CLDN14: variants seen among roughly 807,000 people sequenced by gnomAD.
CLDN14 encodes claudin 14.
A neutral mutation model predicts 2.1 loss-of-function variants in CLDN14; 2 were observed. The observed-to-expected ratio is 0.96, with a 90% confidence interval of 0.39 to 3.01. The LOEUF is 3.01. Ranked by LOEUF, CLDN14 falls within the 30% of genes most tolerant of loss-of-function variation. CLDN14 has a pLI of 0.09. For synonymous variants in CLDN14, 136 were observed against 154.4 expected (o/e 0.88, Z 0.88); for missense variants, 298 against 328.0 (o/e 0.91, Z 0.71).
upstream of CLDN14, among the ~76,000 whole-genome samples, chr21:36,481,877 G>T (rs1278125272): frequency 1.3e-5 from 2 of 152,186 alleles, no homozygotes; most frequent in Non-Finnish European, 2.9e-5. Flanking sequence ...CAGCACGTAT[G>T]AGTAGCAGGG....
intron 1 of CLDN14, among the ~76,000 whole-genome samples, chr21:36,562,451 C>T (rs976791061): frequency 6.6e-6 from 1 of 152,094 alleles, no homozygotes; most frequent in Non-Finnish European, 1.5e-5. Context: ...AAGCTTATTC[C>T]CATTTTCTGG....
rs985015692 is a variant in CLDN14, at chr21:36,498,293, G to A, written c.-82+12070C>T. Among the ~76,000 whole-genome samples, 2 of 152,122 alleles carry A rather than the reference G, an allele frequency of 1.3e-5. No homozygotes were observed. The highest frequency in any genetic ancestry group is 6.6e-5 in the Admixed American group (1 of 15,256). ...TGGGATTATAGACATGAGCCACTGC[G>A]CCCAGACAGGAAGATGCGTTTGTGA... is the stretch of plus-strand genomic sequence containing the variant. On this transcript the variant is annotated intron_variant, in intron 2 of 2. Coordinates refer to the CLDN14 transcript ENST00000342108. The surrounding 1 kb of genome is among the most constrained non-coding windows in gnomAD (Gnocchi z 4.9).
At chr21:36,524,446 G>T (rs533516859) in intron 1 of CLDN14, among the ~76,000 whole-genome samples, 28 of 152,336 alleles carry the variant, frequency 1.8e-4, no homozygotes, top group African/African-American at 6.5e-4. Context: ...ACCTGCACAA[G>T]GGAATGGGGA....
chr21:36,576,241 C>A (rs930913767), intron 1 of CLDN14, among the ~76,000 whole-genome samples: 1 of 152,194 alleles, frequency 6.6e-6, no homozygotes, highest in Non-Finnish European at 1.5e-5. Flanking sequence ...ATAGAAGTTT[C>A]TCTCTCTTTC....
intron 1 of CLDN14, among the ~76,000 whole-genome samples, chr21:36,476,812 T>G (rs2086785780): frequency 6.6e-6 from 1 of 152,194 alleles, no homozygotes; most frequent in Admixed American, 6.5e-5. Context: ...ACACTCACAG[T>G]GGTGAGAATG....
intron 1 of CLDN14, among the ~76,000 whole-genome samples, chr21:36,568,405 A>C (rs1413372102): frequency 1.3e-5 from 2 of 152,244 alleles, no homozygotes; most frequent in Non-Finnish European, 2.9e-5. Context: ...ACGAAGTCCC[A>C]GCTAGGAAAA....
intron 1 of CLDN14, among the ~76,000 whole-genome samples, chr21:36,473,583 C>T (rs1328098150): frequency 6.6e-6 from 1 of 152,190 alleles, no homozygotes; most frequent in Admixed American, 6.5e-5. Context: ...CTGTGCCTAC[C>T]CACCTGGGGA....
At chr21:36,526,671 A>G (rs1297802670) in intron 1 of CLDN14, 3 of 152,340 alleles carry the variant, frequency 2.0e-5, no homozygotes, top group Non-Finnish European at 2.9e-5. Flanking sequence ...TGTTCATTCA[A>G]ATAAACTTTA....
rs186432838 is a variant in CLDN14, at chr21:36,555,665, C to A, written c.-220+20746G>T. On this transcript the variant is annotated intron_variant, in intron 1 of 2. Transcript: ENST00000342108. ...ACGTTTTCTCGTTCCTAAGGCTGGT[C>A]AGGTGGTATGTGGGACATTGCCCAA... Among the ~76,000 whole-genome samples the A allele has an allele frequency of 2.6e-5, 4 of 152,218 alleles. No individual in the cohort carries two copies. The East Asian group carries it at 7.7e-4, about 29-fold the overall frequency.
intron 1 of CLDN14, among the ~76,000 whole-genome samples, chr21:36,539,894 A>G (rs13049189): frequency 0.49 from 72,776 of 148,600 alleles, 19,601 homozygotes; most frequent in Middle Eastern, 0.64. Context: ...GCGTCTGTGC[A>G]GAGGGAGTGT....
chr21:36,539,173 C>A (rs2087457954), intron 1 of CLDN14, among the ~76,000 whole-genome samples: 1 of 152,240 alleles, frequency 6.6e-6, no homozygotes, highest in African/African-American at 2.4e-5. Flanking sequence ...GGAGAAACTT[C>A]TCTGTGCCAG....
upstream of CLDN14, among the ~76,000 whole-genome samples, chr21:36,484,028 TGAG>T (rs1261988969): frequency 2.6e-5 from 4 of 152,086 alleles, no homozygotes. Flanking sequence ...CGCCCTTCAC[TGAG>T]GAGGATGCAG....
chr21:36,540,205 G>A (rs1445897307), intron 1 of CLDN14, among the ~76,000 whole-genome samples: 1 of 151,976 alleles, frequency 6.6e-6, no homozygotes, highest in Non-Finnish European at 1.5e-5. Flanking sequence ...CAAAATCCTT[G>A]GCTGTTCAAG....
intron 2 of CLDN14, among the ~76,000 whole-genome samples, chr21:36,497,962 G>A (rs1447309237): frequency 6.6e-6 from 1 of 151,942 alleles, no homozygotes; most frequent in Non-Finnish European, 1.5e-5. Context: ...GGCCACTGGT[G>A]GTACAGCACA....
intron 1 of CLDN14, among the ~76,000 whole-genome samples, chr21:36,557,313 G>A (rs2087605782): frequency 7.7e-6 from 1 of 130,424 alleles, no homozygotes; most frequent in African/African-American, 2.5e-5. Context: ...ATATTCACAT[G>A]TGGGATTGCT....
intron 1 of CLDN14, among the ~76,000 whole-genome samples, chr21:36,516,918 G>A (rs1381105465): frequency 6.6e-6 from 1 of 152,170 alleles, no homozygotes; most frequent in Non-Finnish European, 1.5e-5. Flanking sequence ...TCAGCTCACC[G>A]CAACCTCCGC....
chr21:36,533,892 C>T (rs2087402632), intron 1 of CLDN14, among the ~76,000 whole-genome samples: 1 of 152,148 alleles, frequency 6.6e-6, no homozygotes, highest in African/African-American at 2.4e-5. Context: ...CTAATGTGTA[C>T]TAGGCTTAAT....
rs529979530 is a variant in CLDN14, at chr21:36,478,995, A to G, written c.-82+500T>C. Among the ~76,000 whole-genome samples, 15 of 152,170 alleles carry G rather than the reference A, an allele frequency of 9.9e-5. No homozygotes were observed. In the South Asian group the frequency reaches 1.0e-3, roughly 11 times the overall value. On this transcript the variant is annotated intron_variant, in intron 1 of 1. Coordinates refer to ENST00000399135, the MANE Select transcript of CLDN14 (RefSeq NM_001146079.2). ...CTTCCCCCCCTCTCCTGCCATGCCAATATGTGTCTGTGTTGGAGGGCAGGG... is the reference window on the plus strand; with the variant it reads ...CTTCCCCCCCTCTCCTGCCATGCCAGTATGTGTCTGTGTTGGAGGGCAGGG...
chr21:36,483,192 C>T (rs1045775356), upstream of CLDN14, among the ~76,000 whole-genome samples: 5 of 152,210 alleles, frequency 3.3e-5, no homozygotes, highest in Non-Finnish European at 5.9e-5. Context: ...TCCCCAAGGC[C>T]CCACTGCAGC....
Sources: gnomAD v4.1 joint callset for allele counts (sites outside exome capture counted in the v4.1 genomes callset) on GRCh38, gnomAD v4.1.1 for gene constraint, Gnocchi (gnomAD v3.1) non-coding constraint, MANE v1.5 for transcripts, NCBI Gene and HGNC (gene_info 2026-07-23, HGNC 2026-07-21) for gene names.